Variants in LRRTM4 observed in about 807,000 individuals in gnomAD.
The protein encoded by LRRTM4 is leucine-rich repeat transmembrane neuronal protein 4.
LRRTM4 carries 25 observed loss-of-function variants against 47.6 expected under a neutral mutation model. That is an observed-to-expected ratio of 0.53 (90% CI 0.38 to 0.73). The LOEUF is 0.73. Ranked by LOEUF, LRRTM4 falls within the 30% of genes least tolerant of loss-of-function variation. The probability of loss-of-function intolerance (pLI) is 0.00; values close to 1 mark genes in which losing one functional copy is unlikely to be tolerated. For synonymous variants in LRRTM4, 311 were observed against 269.5 expected (o/e 1.15, Z -1.51); for missense variants, 638 against 713.4 (o/e 0.89, Z 1.20).
intron 3 of LRRTM4, among the ~76,000 whole-genome samples, chr2:77,256,800 T>A (rs9973914): frequency 0.057 from 8,723 of 151,870 alleles, 897 homozygotes; most frequent in African/African-American, 0.2. Flanking sequence ...TATTATTCTG[T>A]TACTAAAACC....
intron 3 of LRRTM4, among the ~76,000 whole-genome samples, chr2:77,481,628 C>A (rs1188731944): frequency 6.6e-6 from 1 of 151,998 alleles, no homozygotes; most frequent in East Asian, 1.9e-4. Context: ...TCTTCTCATG[C>A]ACCAGAAGCT....
intron 3 of LRRTM4, among the ~76,000 whole-genome samples, chr2:77,209,611 G>A (rs1223938260): frequency 6.6e-6 from 1 of 152,100 alleles, no homozygotes; most frequent in Non-Finnish European, 1.5e-5. Context: ...ACTCACACAT[G>A]TTGTCAACCT....
intron 3 of LRRTM4, among the ~76,000 whole-genome samples, chr2:77,438,393 A>ATTTTTTTTTTTT (rs70956631): frequency 1.0e-5 from 1 of 100,186 alleles, no homozygotes; most frequent in Admixed American, 1.1e-4. Context: ...GATCATGATA[A>ATTTTTTTTTTTT]TTTTTTTTTT....
At chr2:76,828,454 G>A (rs72819216) in intron 3 of LRRTM4, among the ~76,000 whole-genome samples, 17,990 of 151,920 alleles carry the variant, frequency 0.12, 1,395 homozygotes, top group Admixed American at 0.21. Context: ...GCTTTGAAGT[G>A]TTCAGAGAAT....
Position 77,521,586 on chromosome 2 carries a change from T to A in LRRTM4, c.4+82A>T, listed in dbSNP as rs142806341. 566 of 1,552,710 alleles carry A rather than the reference T, an allele frequency of 3.6e-4. 9 individuals carry two copies. The East Asian group carries it at 9.0e-3, about 25-fold the overall frequency. On this transcript the variant is annotated intron_variant, in intron 2 of 3. Transcript: ENST00000409884. ...CTGCTCTTTGCCTGTTTCCCCGTCT[T>A]TTATCTGCTAATGCCACGACTGAGG...
chr2:77,325,515 C>A (rs1262289991), intron 3 of LRRTM4, among the ~76,000 whole-genome samples: 1 of 152,124 alleles, frequency 6.6e-6, no homozygotes, highest in South Asian at 2.1e-4. Context: ...GTAAAGGCAG[C>A]GTGGGAATGG....
intron 3 of LRRTM4, among the ~76,000 whole-genome samples, chr2:77,420,009 T>C (rs1390851768): frequency 6.6e-6 from 1 of 152,094 alleles, no homozygotes; most frequent in African/African-American, 2.4e-5. Context: ...GCACTTGAGG[T>C]TTCTCAAAAG....
At chr2:77,397,841 A>G (rs1399825958) in intron 3 of LRRTM4, among the ~76,000 whole-genome samples, 1 of 151,894 alleles carries the variant, frequency 6.6e-6, no homozygotes, top group African/African-American at 2.4e-5. Context: ...CACCAAGTGT[A>G]TACGATTCCA....
At chr2:76,921,296 T>G (rs1390030705) in intron 3 of LRRTM4, among the ~76,000 whole-genome samples, 1 of 152,058 alleles carries the variant, frequency 6.6e-6, no homozygotes, top group Non-Finnish European at 1.5e-5. Flanking sequence ...TAGGCTGGGG[T>G]TGTGTTTTTA....
chr2:77,017,693 G>A (rs889400935), intron 3 of LRRTM4, among the ~76,000 whole-genome samples: 7 of 152,082 alleles, frequency 4.6e-5, no homozygotes, highest in Non-Finnish European at 8.8e-5. Context: ...CTTACAACCC[G>A]AGGTAGTCAT....
intron 3 of LRRTM4, among the ~76,000 whole-genome samples, chr2:77,046,834 A>G (rs1357433141): frequency 1.3e-5 from 2 of 152,010 alleles, no homozygotes; most frequent in African/African-American, 4.8e-5. Context: ...ATGACTTTGA[A>G]GAGTTTGAAG....
At chr2:77,476,629 T>C (rs1175413066) in intron 3 of LRRTM4, among the ~76,000 whole-genome samples, 1 of 152,092 alleles carries the variant, frequency 6.6e-6, no homozygotes, top group African/African-American at 2.4e-5. Context: ...TTTACTATGG[T>C]AGATAATGCA....
chr2:76,991,294 T>A (rs1350325484), intron 3 of LRRTM4, among the ~76,000 whole-genome samples: 1 of 151,502 alleles, frequency 6.6e-6, no homozygotes, highest in Non-Finnish European at 1.5e-5. Context: ...ATAACTACAA[T>A]GAGAGTGTAA....
chr2:77,047,850 C>T (rs1328505993), intron 3 of LRRTM4, among the ~76,000 whole-genome samples: 3 of 152,020 alleles, frequency 2.0e-5, no homozygotes, highest in Non-Finnish European at 4.4e-5. Flanking sequence ...GGTTTATGAA[C>T]TTCAGCATTA....
chr2:77,083,417 T>G (rs928957858), intron 3 of LRRTM4, among the ~76,000 whole-genome samples: 2 of 152,158 alleles, frequency 1.3e-5, no homozygotes, highest in Non-Finnish European at 1.5e-5. Context: ...TGCCATAGAC[T>G]GAAGTCAGAA....
chr2:77,377,969 C>G (rs1437923400), intron 3 of LRRTM4, among the ~76,000 whole-genome samples: 1 of 151,898 alleles, frequency 6.6e-6, no homozygotes, highest in Non-Finnish European at 1.5e-5. Context: ...GTATTCCTGT[C>G]AAAATTGTAC....
chr2:77,115,929 T>G (rs1671379033), intron 3 of LRRTM4, among the ~76,000 whole-genome samples: 1 of 152,156 alleles, frequency 6.6e-6, no homozygotes, highest in Non-Finnish European at 1.5e-5. Context: ...TGCTTCAGTC[T>G]AGCTTTCCAA....
intron 3 of LRRTM4, among the ~76,000 whole-genome samples, chr2:76,882,291 TACTTA>T (rs536455911): frequency 6.6e-4 from 101 of 152,224 alleles, no homozygotes; most frequent in African/African-American, 2.4e-3. Context: ...AATAATATTT[TACTTA>T]ACTTTTACTG....
At chr2:77,364,376 GA>G (rs1297502968) in intron 3 of LRRTM4, among the ~76,000 whole-genome samples, 41 of 152,196 alleles carry the variant, frequency 2.7e-4, no homozygotes, top group African/African-American at 9.4e-4. Flanking sequence ...AGGACTTAGA[GA>G]ACTACAGGAA....
Sources: allele counts gnomAD v4.1 joint callset (sites outside exome capture counted in the v4.1 genomes callset), GRCh38; gene constraint gnomAD v4.1.1; transcripts MANE v1.5; gene names NCBI Gene and HGNC (gene_info 2026-07-23, HGNC 2026-07-21).